KMT5B: variants seen among roughly 807,000 people sequenced by gnomAD.
KMT5B encodes lysine methyltransferase 5B.
A neutral mutation model predicts 83.2 loss-of-function variants in KMT5B; 10 were observed. The ratio of observed to expected loss-of-function variants is 0.12; its 90% CI spans 0.07 to 0.20. The LOEUF (loss-of-function observed/expected upper bound fraction) is 0.20. KMT5B is among the 10% of genes least tolerant of loss of function. KMT5B has a pLI of 1.00. For synonymous variants in KMT5B, 349 were observed against 388.8 expected (o/e 0.90, Z 1.20); for missense variants, 753 against 1,067.2 (o/e 0.71, Z 4.10).
At chr11:68,179,370 T>C (rs1856697094) in intron 4 of KMT5B, 1 of 1,130,102 alleles carries the variant, frequency 8.8e-7, no homozygotes, top group Non-Finnish European at 1.2e-6. Flanking sequence ...TTTTTACACT[T>C]CCAATCAATG....
chr11:68,190,362 T>C (rs1014383778), intron 1 of KMT5B, among the ~76,000 whole-genome samples: 2 of 152,250 alleles, frequency 1.3e-5, no homozygotes, highest in Admixed American at 1.3e-4. Flanking sequence ...AAATTCGTAT[T>C]GCCTAGTATT....
intron 4 of KMT5B, 65 bp downstream of exon 4, chr11:68,180,067 A>G: frequency 2.0e-6 from 3 of 1,492,604 alleles, no homozygotes; most frequent in Non-Finnish European, 1.8e-6. Flanking sequence ...TTAACATAAA[A>G]GAACATTTTA....
intron 10 of KMT5B, among the ~76,000 whole-genome samples, 195 bp from the exon 11 acceptor site, chr11:68,159,366 G>C (rs544540019): frequency 6.6e-6 from 1 of 152,204 alleles, no homozygotes; most frequent in Non-Finnish European, 1.5e-5. Flanking sequence ...CTAATTTATG[G>C]GGCATCTATT....
At chr11:68,178,007 C>A (rs1856541395) in intron 4 of KMT5B, among the ~76,000 whole-genome samples, 1 of 152,194 alleles carries the variant, frequency 6.6e-6, no homozygotes, top group African/African-American at 2.4e-5. Flanking sequence ...TAAGGCATGA[C>A]CTGTCGAGCA....
Position 68,159,124 on chromosome 11 carries a change from T to C in KMT5B, c.1222A>G (p.Arg408Gly). 4 of 1,584,846 alleles carry C rather than the reference T, an allele frequency of 2.5e-6. No individual in the cohort carries two copies. The highest frequency in any genetic ancestry group is 3.4e-6 in the Non-Finnish European group (4 of 1,172,186). Reference sequence around the variant, plus strand: ...GACATAGATTGCCTCGTTAACGTTCTGCTCTTGCTATTCTTTTTTACGCCA... The same window carrying C: ...GACATAGATTGCCTCGTTAACGTTCCGCTCTTGCTATTCTTTTTTACGCCA... ...SVGVKKNSKS[R>G]TLTRQSMSRI... The change falls in exon 11 of 11, where the codon AGA becomes GGA. Residue 408 changes from arginine (R) to glycine (G), a missense_variant. By Grantham distance (125) the Arg-to-Gly change is moderately radical. Around this residue, in one of 9 missense-constraint regions of KMT5B, gnomAD observed 397 missense variants for 395.9 expected, o/e 1.00. Transcript: ENST00000304363.
At chr11:68,208,097 A>G (rs1443261912) in intron 1 of KMT5B, among the ~76,000 whole-genome samples, 27 of 146,618 alleles carry the variant, frequency 1.8e-4, no homozygotes, top group Admixed American at 1.8e-3. Flanking sequence ...TCGGCCTCCC[A>G]AAGTGCTGAG....
At chr11:68,167,367 C>A (rs1855407943) in intron 9 of KMT5B, among the ~76,000 whole-genome samples, 189 bp from the exon 10 acceptor site, 1 of 151,610 alleles carries the variant, frequency 6.6e-6, no homozygotes, top group Non-Finnish European at 1.5e-5. Context: ...AACTTTAAAT[C>A]TATATTTAAA....
At chr11:68,164,848 A>T (rs1855174380) in intron 10 of KMT5B, among the ~76,000 whole-genome samples, 1 of 152,256 alleles carries the variant, frequency 6.6e-6, no homozygotes, top group Non-Finnish European at 1.5e-5. Context: ...CACCTGTCTT[A>T]TCCTGGAGCT....
rs759266982 is a variant in KMT5B at position 68,173,921 on chromosome 11, A to AG, written c.544-9dup. 1 of 1,527,772 alleles carries AG rather than the reference A, an allele frequency of 6.5e-7. No individual in the cohort carries two copies. Among genetic ancestry groups the AG allele is most frequent in the African/African-American group, 1.5e-5 (1 of 67,820 alleles). 94.6% of individuals were successfully genotyped at this position (1,527,772 alleles called of 1,614,324 possible). On this transcript the variant is annotated splice_polypyrimidine_tract_variant and intron_variant, in intron 5 of 10. Coordinates refer to ENST00000304363, the MANE Select transcript of KMT5B (RefSeq NM_017635.5). ...TCGCAAATAAATAAATACCTAAAAC[A>AG]GGAAAAAAAAATTGATAATGACTTT... is the stretch of plus-strand genomic sequence containing the variant.
rs982539511 is a variant in KMT5B at position 68,163,772 on chromosome 11, G to A, written c.1174+3210C>T. Among the ~76,000 whole-genome samples the A allele has an allele frequency of 3.9e-5, 6 of 152,324 alleles. No individual in the cohort carries two copies. In the South Asian group the frequency reaches 6.2e-4, roughly 16 times the overall value. ...CAGACTGCCAATGGCTACCTGGAACGGGGTGTTAGAATTTGGAAGCAGCCC... is the reference window on the plus strand; with the variant it reads ...CAGACTGCCAATGGCTACCTGGAACAGGGTGTTAGAATTTGGAAGCAGCCC... On this transcript the variant is annotated intron_variant, in intron 10 of 10. Transcript: ENST00000304363.
intron 1 of KMT5B, among the ~76,000 whole-genome samples, chr11:68,205,804 TAC>T (rs2153088318): frequency 6.6e-6 from 1 of 152,218 alleles, no homozygotes; most frequent in South Asian, 2.1e-4. Context: ...GTATTTTTAG[TAC>T]AGACAGGGTT....
In KMT5B at chr11:68,159,291, G is replaced by A. The variant is rs1001294891; in HGVS notation, c.1175-120C>T. ...AGATTACACAAACGCCAACACCACGGCTCCTGCTGCAGATTCTGCCAGCGC... is the reference window on the plus strand; with the variant it reads ...AGATTACACAAACGCCAACACCACGACTCCTGCTGCAGATTCTGCCAGCGC... On this transcript the variant is annotated intron_variant, in intron 10 of 10. Transcript: ENST00000304363. 6 of 1,370,214 alleles carry A rather than the reference G, an allele frequency of 4.4e-6. No homozygotes were observed. The South Asian group carries it at 8.9e-5, about 20-fold the overall frequency. 84.9% of individuals were successfully genotyped at this position (1,370,214 alleles called of 1,614,324 possible).
intron 10 of KMT5B, 89 bp from the exon 11 acceptor site, chr11:68,159,260 A>G (rs1854650179): frequency 2.7e-6 from 4 of 1,479,540 alleles, no homozygotes; most frequent in Non-Finnish European, 2.7e-6. Context: ...TAGCTACAGC[A>G]CGTTTAGATT....
At chr11:68,201,679 T>G (rs112074157) in intron 1 of KMT5B, among the ~76,000 whole-genome samples, 1 of 151,954 alleles carries the variant, frequency 6.6e-6, no homozygotes. Flanking sequence ...CTCTAGCCAG[T>G]TGACATGCTG....
chr11:68,160,437 A>G (rs1288138682), intron 10 of KMT5B, among the ~76,000 whole-genome samples: 2 of 152,236 alleles, frequency 1.3e-5, no homozygotes, highest in African/African-American at 2.4e-5. Context: ...TTACAGATTC[A>G]CTAGAGAAGC....
Position 68,166,991 on chromosome 11 carries a change from T to G in KMT5B, c.1165A>C (p.Asn389His). 1 of 1,614,038 alleles carries G rather than the reference T, an allele frequency of 6.2e-7. No individual in the cohort carries two copies. Among genetic ancestry groups the G allele is most frequent in the Non-Finnish European group, 8.5e-7 (1 of 1,179,958 alleles). The part of the protein sequence containing the change: ...NTDADTTQEK[N>H]NATSNRKSSV... ...AATCTCCCTTACTTACTTGCATTGT[T>G]TTTTTCCTGAGTGGTATCTGCATCA... The change falls in exon 10 of 11, where the codon AAC becomes CAC. Residue 389 changes from asparagine (N) to histidine (H), a missense_variant. Physicochemically the swap from Asn to His is moderately conservative, Grantham distance 68. Coordinates refer to ENST00000304363, the MANE Select transcript of KMT5B (RefSeq NM_017635.5).
In KMT5B at chr11:68,157,865, A is replaced by G. The variant is rs755239289; in HGVS notation, c.2481T>C (p.Asp827=). ...CATCGCCCTCAGAAGAGGAGGAATC[A>G]TCTGTACTTTCTTCCTCATACTGAC... is the stretch of plus-strand genomic sequence containing the variant. The part of the protein sequence containing the change: ...DYSQYEEEST[D]DSSSSEGDEE... Residue 827 remains aspartate (D), a synonymous_variant, in exon 11 of 11, where the codon GAT becomes GAC. Coordinates refer to ENST00000304363, the MANE Select transcript of KMT5B (RefSeq NM_017635.5). The G allele has an allele frequency of 6.2e-7, 1 of 1,614,016 alleles. No individual in the cohort carries two copies. The highest frequency in any genetic ancestry group is 8.5e-7 in the Non-Finnish European group (1 of 1,179,952).
chr11:68,199,341 GAGA>G lies in KMT5B; in HGVS notation c.-76-9192_-76-9190del, dbSNP rs573286871. ...ATGGTGGCAGGGAGTGTTTCAGGTG[GAGA>G]AGGAGGGTGATAGTGGCTGTTTTCT... On this transcript the variant is annotated intron_variant, in intron 1 of 10. Coordinates refer to ENST00000304363, the MANE Select transcript of KMT5B (RefSeq NM_017635.5). Among the ~76,000 whole-genome samples, 38 of 152,276 alleles carry G rather than the reference GAGA, an allele frequency of 2.5e-4. No homozygotes were observed. In the South Asian group the frequency reaches 7.9e-3, roughly 32 times the overall value.
chr11:68,200,063 T>A (rs916873406), intron 1 of KMT5B, among the ~76,000 whole-genome samples: 5 of 151,688 alleles, frequency 3.3e-5, no homozygotes, highest in Non-Finnish European at 1.5e-5. Flanking sequence ...CCAACTGGAG[T>A]TGGCAGCTGG....
Sources: gnomAD v4.1 joint callset for allele counts (sites outside exome capture counted in the v4.1 genomes callset) on GRCh38, gnomAD v4.1.1 for gene constraint, gnomAD v4.1.1 regional missense constraint, MANE v1.5 for transcripts, NCBI Gene and HGNC (gene_info 2026-07-23, HGNC 2026-07-21) for gene names.